The following CACNA1A variants were observed in gnomAD, a reference collection of about 807,000 sequenced individuals.
The protein encoded by CACNA1A is voltage-dependent P/Q-type calcium channel subunit alpha-1A.
Under a neutral mutation model 262.4 loss-of-function variants are expected in CACNA1A, and 57 were observed. That is an observed-to-expected ratio of 0.22 (90% CI 0.18 to 0.27). The LOEUF is 0.27. Among genes scored for constraint, CACNA1A ranks in the 10% least tolerant of loss-of-function variants. CACNA1A has a pLI of 1.00. For synonymous variants in CACNA1A, 1,431 were observed against 1,419.3 expected (o/e 1.01, Z -0.18); for missense variants, 2,526 against 3,562.8 (o/e 0.71, Z 7.41).
Position 13,214,530 on chromosome 19 carries a change from G to A in CACNA1A, c.5810C>T (p.Thr1937Met), listed in dbSNP as rs771104002. 83 of 1,613,636 alleles carry A rather than the reference G, an allele frequency of 5.1e-5. No homozygotes were observed. Among genetic ancestry groups the A allele is most frequent in the South Asian group, 3.3e-4 (30 of 91,088 alleles). Residue 1937 changes from threonine (T) to methionine (M), a missense_variant, in exon 39 of 47, where the codon ACG becomes ATG. This residue lies in a region of CACNA1A where 112 missense variants were observed against 197.2 expected (regional missense o/e 0.57). Transcript: ENST00000360228. This position sits in a 1 kb window ranked among gnomAD's most constrained non-coding sequence, Gnocchi z 4.1. Reference protein sequence around the residue: ...MAIWPNLSQKTLDLLVTPHKS... With the variant: ...MAIWPNLSQKMLDLLVTPHKS... ...GTGAGGTGTGACCAGCAGGTCTAGC[G>A]TCTTCTGGGACAGATTGGGCCAAAT...
In CACNA1A at chr19:13,236,082, C is replaced by T. The variant is rs1041014486; in HGVS notation, c.4951-352G>A. The stretch of plus-strand genomic sequence containing the variant: ...AAGAACAAGAAAAAGAAAATATATC[C>T]GAATCATCCAATCAGGAAAAAAATC... On this transcript the variant is annotated intron_variant, in intron 31 of 46. Coordinates refer to ENST00000360228, the MANE Select transcript of CACNA1A (RefSeq NM_001127222.2). The surrounding 1 kb of genome is among the most constrained non-coding windows in gnomAD (Gnocchi z 4.6). 7.9e-5 allele frequency among the ~76,000 whole-genome samples: 12 copies of T among 151,944 alleles called. No homozygotes were observed. The highest frequency in any genetic ancestry group is 1.3e-4 in the Non-Finnish European group (9 of 67,990).
At position 13,208,752 on chromosome 19, in the gene CACNA1A, C is replaced by G. The variant is rs1299979236; in HGVS notation, c.6780+4G>C. On this transcript the variant is annotated splice_donor_region_variant and intron_variant, in intron 46 of 46. Coordinates refer to ENST00000360228, the MANE Select transcript of CACNA1A (RefSeq NM_001127222.2). The stretch of plus-strand genomic sequence containing the variant: ...AGCCTGGGGTCACTTGCAGCCGCAC[C>G]CACCTGCCGGTGCGCCATGTGCTCT... 6.4e-7 allele frequency: 1 copy of G among 1,572,824 alleles called. No individual in the cohort carries two copies. The highest frequency in any genetic ancestry group is 1.7e-5 in the Admixed American group (1 of 57,984).
chr19:13,485,525 A>G (rs1472301262), intron 1 of CACNA1A, among the ~76,000 whole-genome samples: 1 of 150,890 alleles, frequency 6.6e-6, no homozygotes. Context: ...ACAAATCAAT[A>G]TTTTTTTTTT....
rs1036500497 is a variant in CACNA1A, at chr19:13,292,982, C to A, written c.3089+5562G>T. 2.6e-5 allele frequency among the ~76,000 whole-genome samples: 4 copies of A among 152,142 alleles called. No homozygotes were observed. The East Asian group carries it at 7.7e-4, about 29-fold the overall frequency. On this transcript the variant is annotated intron_variant, in intron 19 of 46. Transcript: ENST00000360228. ...TTAATAATGGAATTAGCAGTACTCC[C>A]CTGGTTCAGAATGGGGGTCTGGCCA...
intron 3 of CACNA1A, among the ~76,000 whole-genome samples, chr19:13,422,007 A>G (rs1015424758): frequency 1.3e-5 from 2 of 152,208 alleles, no homozygotes; most frequent in Non-Finnish European, 1.5e-5. Context: ...CAGAAAGTAT[A>G]GGATGCTAGG....
rs539375715 is a variant in CACNA1A at position 13,415,373 on chromosome 19, G to C, written c.539+37503C>G. ...TTATGACCTGGGGGACAGGGTGAGA[G>C]GCTTCTGCATGTCAGAGCTAGACTG... is the stretch of plus-strand genomic sequence containing the variant. On this transcript the variant is annotated intron_variant, in intron 3 of 46. Transcript: ENST00000360228. 2.7e-3 allele frequency among the ~76,000 whole-genome samples: 407 copies of C among 152,234 alleles called. 1 individual carries two copies. Among genetic ancestry groups the C allele is most frequent in the African/African-American group, 9.3e-3 (387 of 41,538 alleles).
chr19:13,451,600 GC>G (rs2060916537), intron 3 of CACNA1A: 1 of 152,400 alleles, frequency 6.6e-6, no homozygotes, highest in African/African-American at 2.4e-5. Flanking sequence ...AGCTTCCCTT[GC>G]AGTGATGTGT....
intron 10 of CACNA1A, among the ~76,000 whole-genome samples, chr19:13,326,501 G>A (rs1465778911): frequency 1.3e-5 from 2 of 151,942 alleles, no homozygotes; most frequent in East Asian, 3.9e-4. Flanking sequence ...AAGACTGCAT[G>A]TGGGCCAGGT....
chr19:13,430,035 A>AGGGGGGG (rs2060479139), intron 3 of CACNA1A, among the ~76,000 whole-genome samples: 1 of 52,538 alleles, frequency 1.9e-5, no homozygotes, highest in Non-Finnish European at 3.5e-5. Context: ...GGGAAGGGGG[A>AGGGGGGG]GCGGGGAGTG....
intron 1 of CACNA1A, among the ~76,000 whole-genome samples, chr19:13,483,475 T>C (rs1427086998): frequency 1.3e-5 from 2 of 152,168 alleles, no homozygotes; most frequent in Non-Finnish European, 2.9e-5. Flanking sequence ...GAGCACCCCG[T>C]TCTCCACCTC....
At chr19:13,483,233 G>C (rs1361142751) in intron 1 of CACNA1A, among the ~76,000 whole-genome samples, 2 of 152,150 alleles carry the variant, frequency 1.3e-5, no homozygotes, top group African/African-American at 4.8e-5. Context: ...CAGATGGAAA[G>C]AGCCGGGTCC....
At chr19:13,423,413 G>A (rs1207632324) in intron 3 of CACNA1A, among the ~76,000 whole-genome samples, 1 of 152,236 alleles carries the variant, frequency 6.6e-6, no homozygotes, top group Non-Finnish European at 1.5e-5. Flanking sequence ...TGAAGCTTGG[G>A]GGAATGGTGC....
chr19:13,381,658 G>C (rs996597077), intron 3 of CACNA1A, among the ~76,000 whole-genome samples: 1 of 152,188 alleles, frequency 6.6e-6, no homozygotes, highest in Non-Finnish European at 1.5e-5. Context: ...CTGGTGCAAA[G>C]GTCCTCCTCC....
intron 1 of CACNA1A, among the ~76,000 whole-genome samples, chr19:13,492,053 G>A (rs1039419970): frequency 6.6e-6 from 1 of 152,150 alleles, no homozygotes; most frequent in Non-Finnish European, 1.5e-5. Flanking sequence ...GATGAGGAAA[G>A]GCAGGCCCAG....
intron 15 of CACNA1A, 47 bp downstream of exon 15, chr19:13,307,735 T>C: frequency 6.5e-7 from 1 of 1,527,318 alleles, no homozygotes; most frequent in Non-Finnish European, 9.1e-7. Flanking sequence ...CACTTTCATC[T>C]GTGACACTGA....
chr19:13,287,027 TC>T, intron 19 of CACNA1A, 61 bp from the exon 20 acceptor site: 1 of 1,319,090 alleles, frequency 7.6e-7, no homozygotes, highest in Non-Finnish European at 1.0e-6. Flanking sequence ...AGGCAACAGT[TC>T]AGGATCCTAG....
At position 13,241,652 on chromosome 19, in the gene CACNA1A, G is replaced by A. The variant is rs1355056549; in HGVS notation, c.4950+3530C>T. On this transcript the variant is annotated intron_variant, in intron 31 of 46. Transcript: ENST00000360228. The surrounding 1 kb of genome is among the most constrained non-coding windows in gnomAD (Gnocchi z 4.0). ...ACCAATGGGTTTCGGTTCCCGGGCGGGGAGTGGGGGTGGTGGTGGCGGTGG... is the reference window on the plus strand; with the variant it reads ...ACCAATGGGTTTCGGTTCCCGGGCGAGGAGTGGGGGTGGTGGTGGCGGTGG... 6.0e-6 allele frequency: 4 copies of A among 668,034 alleles called. No homozygotes were observed. The highest frequency in any genetic ancestry group is 1.8e-5 in the African/African-American group (1 of 56,304). 41.4% of individuals were successfully genotyped at this position (668,034 alleles called of 1,614,324 possible).
chr19:13,441,785 G>A (rs927900010), intron 3 of CACNA1A, among the ~76,000 whole-genome samples: 2 of 152,106 alleles, frequency 1.3e-5, no homozygotes, highest in Non-Finnish European at 2.9e-5. Flanking sequence ...GAGGAGAGGA[G>A]TCATTAGGCA....
intron 38 of CACNA1A, among the ~76,000 whole-genome samples, chr19:13,218,572 T>C (rs951860463): frequency 7.2e-5 from 11 of 152,082 alleles, no homozygotes; most frequent in Admixed American, 2.0e-4. Context: ...GCGCATTTTA[T>C]GTTTTTGGAA....
Sources: allele counts gnomAD v4.1 joint callset (sites outside exome capture counted in the v4.1 genomes callset), GRCh38; gene constraint gnomAD v4.1.1; regional missense constraint gnomAD v4.1.1; non-coding constraint Gnocchi (gnomAD v3.1); transcripts MANE v1.5; gene names NCBI Gene and HGNC (gene_info 2026-07-23, HGNC 2026-07-21).